PKIB: variants seen among roughly 807,000 people sequenced by gnomAD.
PKIB encodes PKI-beta.
A neutral mutation model predicts 4.5 loss-of-function variants in PKIB; 2 were observed. The ratio of observed to expected loss-of-function variants is 0.44; its 90% CI spans 0.18 to 1.39. The LOEUF is 1.39. PKIB is among the 40% of genes most tolerant of loss of function. The pLI is 0.27. For missense variants in PKIB, 94 were observed against 92.6 expected, an observed-to-expected ratio of 1.02 and a Z score of -0.06; for synonymous variants, 38 against 36.0, an observed-to-expected ratio of 1.06 and a Z score of -0.20.
At chr6:122,497,624 C>T (rs1776113458) in intron 2 of PKIB, among the ~76,000 whole-genome samples, 1 of 152,040 alleles carries the variant, frequency 6.6e-6, no homozygotes, top group Admixed American at 6.6e-5. Flanking sequence ...CAAAGAAGGG[C>T]ACTACATAAT....
At chr6:122,516,936 C>G (rs773882131) in intron 2 of PKIB, among the ~76,000 whole-genome samples, 1 of 152,136 alleles carries the variant, frequency 6.6e-6, no homozygotes, top group Non-Finnish European at 1.5e-5. Flanking sequence ...GTACCCAATT[C>G]TAATTCTGTG....
intron 2 of PKIB, among the ~76,000 whole-genome samples, chr6:122,577,735 C>A (rs1297753981): frequency 6.6e-6 from 1 of 151,740 alleles, no homozygotes; most frequent in Non-Finnish European, 1.5e-5. Flanking sequence ...CAGTGAAACC[C>A]CGTCTCTACT....
intron 3 of PKIB, among the ~76,000 whole-genome samples, chr6:122,710,650 G>T (rs1025959325): frequency 3.3e-5 from 5 of 152,114 alleles, no homozygotes; most frequent in African/African-American, 1.2e-4. Flanking sequence ...GGAATTAAGC[G>T]CTGCCTCCAC....
intron 2 of PKIB, among the ~76,000 whole-genome samples, chr6:122,635,603 T>C (rs1328931551): frequency 6.7e-6 from 1 of 150,080 alleles, no homozygotes; most frequent in Non-Finnish European, 1.5e-5. Context: ...TAAAAATTCA[T>C]TGAAATACTA....
chr6:122,702,602 G>T (rs1350202241), intron 3 of PKIB, among the ~76,000 whole-genome samples: 3 of 152,052 alleles, frequency 2.0e-5, no homozygotes, highest in Admixed American at 1.3e-4. Flanking sequence ...TTACAGGCAT[G>T]AGTCACTGCA....
chr6:122,576,711 T>TATATATATATA (rs1554221348), intron 2 of PKIB, among the ~76,000 whole-genome samples: 25 of 75,646 alleles, frequency 3.3e-4, no homozygotes, highest in East Asian at 1.2e-3. Flanking sequence ...TATATATATA[T>TATATATATATA]TTTCTTTTGT....
intron 3 of PKIB, among the ~76,000 whole-genome samples, chr6:122,591,210 ACACACACACC>A (rs915846139): frequency 2.7e-4 from 40 of 148,686 alleles, no homozygotes; most frequent in Admixed American, 2.2e-3. Flanking sequence ...ACACACACAC[ACACACACACC>A]CCCCACATAC....
At chr6:122,503,106 A>G (rs1776292941) in intron 2 of PKIB, among the ~76,000 whole-genome samples, 1 of 152,136 alleles carries the variant, frequency 6.6e-6, no homozygotes, top group Non-Finnish European at 1.5e-5. Context: ...TAAGGACACT[A>G]ATTCTATTCA....
intron 1 of PKIB, among the ~76,000 whole-genome samples, chr6:122,629,278 C>A (rs1328113306): frequency 6.6e-6 from 1 of 152,078 alleles, no homozygotes; most frequent in East Asian, 1.9e-4. Flanking sequence ...ATTGCATTAA[C>A]AGGAAAAGTA....
chr6:122,648,956 C>T (rs1226079476), intron 2 of PKIB, among the ~76,000 whole-genome samples: 1 of 152,172 alleles, frequency 6.6e-6, no homozygotes, highest in Non-Finnish European at 1.5e-5. Context: ...CATGCCTCCC[C>T]ATGGCCATTG....
intron 2 of PKIB, among the ~76,000 whole-genome samples, chr6:122,494,790 G>A (rs962019546): frequency 1.6e-4 from 24 of 152,262 alleles, no homozygotes; most frequent in African/African-American, 5.5e-4. Flanking sequence ...AACTGGTGTG[G>A]AGCCAGCGGA....
At chr6:122,663,879 G>T (rs6569265) in intron 2 of PKIB, among the ~76,000 whole-genome samples, 43,851 of 152,024 alleles carry the variant, frequency 0.29, 6,982 homozygotes, top group Middle Eastern at 0.35. Context: ...TATTTGTTTT[G>T]GGGCTGAAGT....
At chr6:122,597,898 C>T (rs1446307457) in intron 3 of PKIB, among the ~76,000 whole-genome samples, 1 of 152,154 alleles carries the variant, frequency 6.6e-6, no homozygotes, top group African/African-American at 2.4e-5. Context: ...TACCTGACCT[C>T]CGTAAGCCCC....
At chr6:122,705,336 C>A (rs1779012232) in intron 3 of PKIB, among the ~76,000 whole-genome samples, 1 of 152,030 alleles carries the variant, frequency 6.6e-6, no homozygotes, top group Non-Finnish European at 1.5e-5. Context: ...TTTGTCTACC[C>A]TTGAGGAATA....
intron 2 of PKIB, among the ~76,000 whole-genome samples, chr6:122,528,346 A>G (rs572568186): frequency 9.9e-5 from 15 of 152,222 alleles, no homozygotes; most frequent in African/African-American, 3.4e-4. Context: ...CATTCAGTCA[A>G]TCTCTGTTCT....
At chr6:122,670,166 A>T (rs1358118226) in intron 2 of PKIB, among the ~76,000 whole-genome samples, 1 of 152,014 alleles carries the variant, frequency 6.6e-6, no homozygotes, top group Non-Finnish European at 1.5e-5. Context: ...TCAGTATGTA[A>T]CCTGGAAGTG....
At chr6:122,511,302 A>G (rs945498141) in intron 2 of PKIB, among the ~76,000 whole-genome samples, 16 of 152,184 alleles carry the variant, frequency 1.1e-4, no homozygotes, top group African/African-American at 3.9e-4. Context: ...AAACAAATCC[A>G]TAAGATTTTC....
At chr6:122,704,464 T>C (rs1778973084) in intron 3 of PKIB, among the ~76,000 whole-genome samples, 1 of 152,156 alleles carries the variant, frequency 6.6e-6, no homozygotes, top group Non-Finnish European at 1.5e-5. Flanking sequence ...CCTAAAATAG[T>C]GTATTTGTAA....
chr6:122,548,022 C>T (rs1364688189), intron 2 of PKIB, among the ~76,000 whole-genome samples: 1 of 150,012 alleles, frequency 6.7e-6, no homozygotes, highest in Non-Finnish European at 1.5e-5. Flanking sequence ...TACACATAAA[C>T]TTTGGGTACA....
Sources: allele counts gnomAD v4.1 joint callset (sites outside exome capture counted in the v4.1 genomes callset), GRCh38; gene constraint gnomAD v4.1.1; transcripts MANE v1.5; gene names NCBI Gene and HGNC (gene_info 2026-07-23, HGNC 2026-07-21).